Variants in BPIFB6 observed in about 807,000 individuals in gnomAD.
BPIFB6 encodes the protein BPI fold-containing family B member 6.
A neutral mutation model predicts 54.7 loss-of-function variants in BPIFB6; 47 were observed. The ratio of observed to expected loss-of-function variants is 0.86; its 90% CI spans 0.68 to 1.10. The LOEUF (loss-of-function observed/expected upper bound fraction) is 1.10, where lower values mean the gene tolerates loss of function less well. Ranked by LOEUF, BPIFB6 falls within the 50% of genes least tolerant of loss-of-function variation. The probability of loss-of-function intolerance (pLI) is 0.00; values close to 1 mark genes in which losing one functional copy is unlikely to be tolerated. For missense variants in BPIFB6, 603 were observed against 564.1 expected (o/e 1.07, Z -0.70); for synonymous variants, 255 against 225.9 (o/e 1.13, Z -1.16).
At chr20:33,033,109 GT>G in intron 2 of BPIFB6, 26 bp downstream of exon 2, 1 of 1,566,512 alleles carries the variant, frequency 6.4e-7, no homozygotes, top group East Asian at 2.2e-5. Flanking sequence ...GAGCTGGAGG[GT>G]GGTGGTTAGG....
At position 33,031,734 on chromosome 20, in the gene BPIFB6, C is replaced by T. The variant is rs769884269; in HGVS notation, c.87C>T (p.Asp29=). 3 of 1,613,910 alleles carry T rather than the reference C, an allele frequency of 1.9e-6. No homozygotes were observed. Among genetic ancestry groups the T allele is most frequent in the African/African-American group, 2.7e-5 (2 of 74,924 alleles). ...GGGCACTGCTGCGGTTGGGCATGGA[C>T]ATCATGAACCGTGGTGAGCTTGTGG... The part of the protein sequence containing the change: ...DPGALLRLGM[D]IMNQVQSAMD... Residue 29 remains aspartate (D), a synonymous_variant, in exon 1 of 15, where the codon GAC becomes GAT. Transcript: ENST00000349552.
chr20:33,042,941 C>A (rs1269017982), intron 13 of BPIFB6, 63 bp downstream of exon 13: 4 of 1,505,806 alleles, frequency 2.7e-6, no homozygotes, highest in South Asian at 1.1e-5. Flanking sequence ...TAAGGGATGC[C>A]ACCTGGGTGG....
rs199847982 is a variant in BPIFB6, at chr20:33,040,323, G to A, written c.1142+5G>A. 8.7e-6 allele frequency: 14 copies of A among 1,613,540 alleles called. No individual in the cohort carries two copies. Among genetic ancestry groups the A allele is most frequent in the Admixed American group, 1.7e-5 (1 of 60,014 alleles). On this transcript the variant is annotated splice_donor_5th_base_variant and intron_variant, in intron 11 of 14. Transcript: ENST00000349552. ...GATGGCCACTTCTTTGGACAGGTAC[G>A]ACCCTGCTGCCCAATGCTGGCATCC...
Position 33,039,328 on chromosome 20 carries a change from AGT to A in BPIFB6, c.901-16_901-15del. 6.3e-7 allele frequency: 1 copy of A among 1,591,170 alleles called. No homozygotes were observed. Among genetic ancestry groups the A allele is most frequent in the East Asian group, 2.2e-5 (1 of 44,574 alleles). ...CAGTCTAAGGACTGGCCCTGAGTGA[AGT>A]GTTCTGGTTTCTGTAGGTGGCTGTA... On this transcript the variant is annotated splice_polypyrimidine_tract_variant and intron_variant, in intron 9 of 14. Transcript: ENST00000349552.
intron 1 of BPIFB6, among the ~76,000 whole-genome samples, chr20:33,032,320 GC>G (rs1979139090): frequency 6.6e-6 from 1 of 152,166 alleles, no homozygotes; most frequent in African/African-American, 2.4e-5. Flanking sequence ...CAGTGTTTGT[GC>G]CCTCTCTGGA....
In BPIFB6 at chr20:33,041,879, G is replaced by A. The variant is rs1025611079; in HGVS notation, c.1143-91G>A. 8 of 1,207,834 alleles carry A rather than the reference G, an allele frequency of 6.6e-6. No homozygotes were observed. The African/African-American group carries it at 9.0e-5, about 14-fold the overall frequency. 74.8% of individuals were successfully genotyped at this position (1,207,834 alleles called of 1,614,324 possible). A position where few individuals can be genotyped will look rare whatever the true frequency, so the allele number is the denominator to read the frequency against. ...ACTCCTGCATCAGGGAGGCGTTGGG[G>A]TGCTTGGGACCCCCTTCTCCAGCGC... On this transcript the variant is annotated intron_variant, in intron 11 of 14. Coordinates refer to ENST00000349552, the MANE Select transcript of BPIFB6 (RefSeq NM_174897.2).
At chr20:33,038,864 C>T (rs1260242711) in intron 8 of BPIFB6, 45 bp from the exon 9 acceptor site, 1 of 1,586,728 alleles carries the variant, frequency 6.3e-7, no homozygotes, top group South Asian at 1.1e-5. Context: ...TTAGGATGGG[C>T]CAGGGAGGAC....
rs1229150470 is a variant in BPIFB6, at chr20:33,038,981, C to A, written c.900+19C>A. On this transcript the variant is annotated intron_variant, in intron 9 of 14. Transcript: ENST00000349552. Reference sequence around the variant, plus strand: ...TCCTGAAGTGAGTGCCCCACCTCCCCATCACCACTGCACCCTGTCCTGCCC... The same window carrying A: ...TCCTGAAGTGAGTGCCCCACCTCCCAATCACCACTGCACCCTGTCCTGCCC... 6.2e-7 allele frequency: 1 copy of A among 1,613,584 alleles called. No homozygotes were observed. The highest frequency in any genetic ancestry group is 1.3e-5 in the African/African-American group (1 of 74,864).
At chr20:33,041,562 G>T (rs1452110850) in intron 11 of BPIFB6, among the ~76,000 whole-genome samples, 1 of 152,124 alleles carries the variant, frequency 6.6e-6, no homozygotes, top group East Asian at 1.9e-4. Context: ...TGTTCTGGTG[G>T]CAACATATGT....
rs202152252 is a variant in BPIFB6 at position 33,034,216 on chromosome 20, C to T, written c.228C>T (p.Val76=). The change falls in exon 3 of 15, where the codon GTC becomes GTT. Residue 76 remains valine (V), a synonymous_variant. Coordinates refer to ENST00000349552, the MANE Select transcript of BPIFB6 (RefSeq NM_174897.2). ...NLKVKDVQLP[V]ITLNFVPGVG... ...AGGTGAAGGATGTCCAGCTGCCCGT[C>T]ATCACACTGAACTTTGTACCTGGAG... 6.2e-7 allele frequency: 1 copy of T among 1,614,114 alleles called. No homozygotes were observed. The highest frequency in any genetic ancestry group is 1.7e-5 in the Admixed American group (1 of 60,032).
chr20:33,034,363 G>A, intron 3 of BPIFB6, 73 bp downstream of exon 3: 1 of 1,023,800 alleles, frequency 9.8e-7, no homozygotes, highest in East Asian at 2.4e-5. Context: ...CACATATATT[G>A]AGTGCCTACT....
At chr20:33,042,678 G>T in intron 12 of BPIFB6, 137 bp from the exon 13 acceptor site, 2 of 775,904 alleles carry the variant, frequency 2.6e-6, no homozygotes. Context: ...GCCCAGTTTT[G>T]ATGCCAGCTG....
intron 11 of BPIFB6, among the ~76,000 whole-genome samples, chr20:33,040,619 C>T (rs926752249): frequency 9.9e-5 from 15 of 152,250 alleles, no homozygotes; most frequent in Admixed American, 6.5e-5. Flanking sequence ...CATTAATAAG[C>T]CTTTACCCAT....
intron 13 of BPIFB6, 56 bp from the exon 14 acceptor site, chr20:33,043,235 C>A: frequency 6.6e-7 from 1 of 1,506,246 alleles, no homozygotes. Context: ...CAGGCTGCCA[C>A]TCCTTAATCA....
intron 3 of BPIFB6, 41 bp from the exon 4 acceptor site, chr20:33,034,722 T>C (rs1568985288): frequency 1.3e-6 from 2 of 1,568,456 alleles, no homozygotes; most frequent in South Asian, 1.2e-5. Flanking sequence ...GCGGACACCA[T>C]GGCAGAGATG....
At chr20:33,043,987 G>T in intron 14 of BPIFB6, 28 bp from the exon 15 acceptor site, 1 of 1,614,086 alleles carries the variant, frequency 6.2e-7, no homozygotes. Context: ...CCTGGTCATT[G>T]CTCTCCTACC....
intron 14 of BPIFB6, 132 bp from the exon 15 acceptor site, chr20:33,043,883 G>A (rs1218970162): frequency 3.5e-6 from 4 of 1,153,706 alleles, no homozygotes; most frequent in Middle Eastern, 1.9e-4. Flanking sequence ...AGGGTCACAA[G>A]GCAAGTCTAC....
In BPIFB6 at chr20:33,036,527, G is replaced by A. The variant is rs1383625192; in HGVS notation, c.660G>A (p.Leu220=). The change falls in exon 7 of 15, where the codon CTG becomes CTA. Residue 220 remains leucine (L), a synonymous_variant. Transcript: ENST00000349552. ...APATTASYIQ[L]DFSPVVQQQK... ...CCACCACAGCCAGCTACATCCAACT[G>A]GACTTCAGTGTAAGCGCCTAGGGCC... 13 of 1,614,138 alleles carry A rather than the reference G, an allele frequency of 8.1e-6. No homozygotes were observed. The highest frequency in any genetic ancestry group is 1.1e-5 in the South Asian group (1 of 91,082).
intron 1 of BPIFB6, 130 bp downstream of exon 1, chr20:33,031,874 A>G (rs1272015280): frequency 2.8e-6 from 2 of 714,844 alleles, no homozygotes; most frequent in Non-Finnish European, 4.9e-6. Flanking sequence ...AGCAAGTGTT[A>G]TTATTATTCT....
Sources: gnomAD v4.1 joint callset for allele counts (sites outside exome capture counted in the v4.1 genomes callset) on GRCh38, gnomAD v4.1.1 for gene constraint, MANE v1.5 for transcripts, NCBI Gene and HGNC (gene_info 2026-07-23, HGNC 2026-07-21) for gene names.